The following SOX5 variants were observed in gnomAD, a reference collection of about 807,000 sequenced individuals.
SOX5 encodes the protein transcription factor SOX-5.
In SOX5, 9 loss-of-function variants were observed where a neutral mutation model predicts 92.0. The ratio of observed to expected loss-of-function variants is 0.10; its 90% CI spans 0.06 to 0.17. SOX5 has a LOEUF of 0.17. SOX5 is among the 10% of genes least tolerant of loss of function. The pLI, the probability that SOX5 is intolerant of heterozygous loss-of-function variation, is 1.00. For synonymous variants in SOX5, 344 were observed against 336.3 expected, an observed-to-expected ratio of 1.02 and a Z score of -0.25; for missense variants, 642 against 944.5, an observed-to-expected ratio of 0.68 and a Z score of 4.20.
chr12:23,715,718 G>A (rs995077534), intron 6 of SOX5, among the ~76,000 whole-genome samples: 1 of 140,770 alleles, frequency 7.1e-6, no homozygotes, highest in Admixed American at 7.8e-5. Context: ...TTTAAAGCAT[G>A]AATTCCATAC....
chr12:23,596,722 C>T (rs1188490927), intron 9 of SOX5, among the ~76,000 whole-genome samples: 1 of 152,138 alleles, frequency 6.6e-6, no homozygotes. Flanking sequence ...AGAGTAACTA[C>T]AGAAACGTAC....
upstream of SOX5, among the ~76,000 whole-genome samples, chr12:23,953,627 T>G (rs559499996): frequency 1.3e-5 from 2 of 151,992 alleles, 1 homozygote; most frequent in Non-Finnish European, 2.9e-5. Flanking sequence ...TCAAATCAAT[T>G]TTTGAGTATT....
intron 1 of SOX5, among the ~76,000 whole-genome samples, chr12:24,487,560 T>C (rs1475620172): frequency 2.0e-5 from 3 of 152,206 alleles, no homozygotes; most frequent in Non-Finnish European, 4.4e-5. Flanking sequence ...TAATATTATT[T>C]GAATATGTTA....
At chr12:24,494,068 T>C (rs1176216659) in intron 1 of SOX5, among the ~76,000 whole-genome samples, 2 of 152,210 alleles carry the variant, frequency 1.3e-5, no homozygotes, top group African/African-American at 2.4e-5. Context: ...TGAGATTCCC[T>C]GTCCACAGTG....
chr12:24,322,229 G>A (rs1012811551), intron 2 of SOX5, among the ~76,000 whole-genome samples: 4 of 152,078 alleles, frequency 2.6e-5, no homozygotes, highest in South Asian at 2.1e-4. Flanking sequence ...ATGCTACACC[G>A]ATGGTAAATC....
intron 2 of SOX5, among the ~76,000 whole-genome samples, chr12:23,890,342 C>A (rs552302702): frequency 2.6e-5 from 4 of 151,834 alleles, no homozygotes; most frequent in African/African-American, 9.7e-5. Flanking sequence ...AAAAATTACA[C>A]TGTTCACTCA....
At chr12:24,520,697 G>A (rs960126828) in intron 1 of SOX5, among the ~76,000 whole-genome samples, 1 of 152,064 alleles carries the variant, frequency 6.6e-6, no homozygotes, top group African/African-American at 2.4e-5. Flanking sequence ...AAGGCACAGA[G>A]TGTCTGAATC....
intron 4 of SOX5, among the ~76,000 whole-genome samples, chr12:23,752,697 T>C (rs753253489): frequency 7.2e-5 from 11 of 151,872 alleles, no homozygotes; most frequent in Non-Finnish European, 1.3e-4. Flanking sequence ...CACATTATTG[T>C]TACTCAGTGC....
chr12:24,176,050 G>T (rs565383957), intron 4 of SOX5, among the ~76,000 whole-genome samples: 1 of 152,190 alleles, frequency 6.6e-6, no homozygotes, highest in African/African-American at 2.4e-5. Context: ...AAACGATAAG[G>T]CTGGGTACAG....
chr12:24,338,115 G>A (rs1403582083), intron 2 of SOX5, among the ~76,000 whole-genome samples: 1 of 151,940 alleles, frequency 6.6e-6, no homozygotes. Context: ...TTATCTAGTT[G>A]AATATAAATC....
intron 4 of SOX5, among the ~76,000 whole-genome samples, chr12:23,980,050 A>G (rs1949423742): frequency 6.6e-6 from 1 of 151,814 alleles, no homozygotes; most frequent in South Asian, 2.1e-4. Flanking sequence ...GCCTCAAGTG[A>G]ACCTCCTGCC....
At chr12:24,062,123 A>G (rs551608834) in intron 4 of SOX5, among the ~76,000 whole-genome samples, 1 of 152,344 alleles carries the variant, frequency 6.6e-6, no homozygotes, top group East Asian at 1.9e-4. Context: ...AGGCAGACTG[A>G]CATCCCAATA....
intron 4 of SOX5, among the ~76,000 whole-genome samples, chr12:24,033,841 T>C (rs1377964911): frequency 6.6e-6 from 1 of 152,074 alleles, no homozygotes; most frequent in Non-Finnish European, 1.5e-5. Context: ...TACCTTACGC[T>C]AGCCTGAGTC....
intron 4 of SOX5, among the ~76,000 whole-genome samples, chr12:23,976,708 C>G (rs1194301803): frequency 6.6e-6 from 1 of 152,080 alleles, no homozygotes; most frequent in Non-Finnish European, 1.5e-5. Flanking sequence ...TACAAAGAGT[C>G]CCTTTTATAT....
chr12:24,368,542 C>T (rs952279494), intron 2 of SOX5: 1 of 152,166 alleles, frequency 6.6e-6, no homozygotes, highest in Non-Finnish European at 1.5e-5. Flanking sequence ...TTAAAAATAA[C>T]AGAATAAACA....
At chr12:24,005,019 T>C (rs1952005310) in intron 4 of SOX5, among the ~76,000 whole-genome samples, 1 of 152,110 alleles carries the variant, frequency 6.6e-6, no homozygotes, top group Admixed American at 6.6e-5. Flanking sequence ...GCCAGAAGAC[T>C]ACATATTGTA....
At chr12:23,778,978 AT>A (rs2141703245) in intron 3 of SOX5, among the ~76,000 whole-genome samples, 1 of 152,322 alleles carries the variant, frequency 6.6e-6, no homozygotes, top group African/African-American at 2.4e-5. Context: ...AGTGAATGCA[AT>A]AAAGACTGTT....
intron 1 of SOX5, among the ~76,000 whole-genome samples, chr12:24,370,168 T>G (rs146368177): frequency 6.6e-6 from 1 of 152,144 alleles, no homozygotes; most frequent in Non-Finnish European, 1.5e-5. Context: ...GAAAATAAAC[T>G]TCATTAAAAG....
chr12:24,512,158 G>A (rs1949382243), intron 1 of SOX5, among the ~76,000 whole-genome samples: 1 of 152,070 alleles, frequency 6.6e-6, no homozygotes, highest in Admixed American at 6.6e-5. Context: ...ACACAAACAT[G>A]TAGACCTTCC....
Sources: gnomAD v4.1 joint callset for allele counts (sites outside exome capture counted in the v4.1 genomes callset) on GRCh38, gnomAD v4.1.1 for gene constraint, MANE v1.5 for transcripts, NCBI Gene and HGNC (gene_info 2026-07-23, HGNC 2026-07-21) for gene names.